The following DAB1 variants were observed in gnomAD, a reference collection of about 807,000 sequenced individuals.
DAB1 encodes DAB adaptor protein 1.
Under a neutral mutation model 64.6 loss-of-function variants are expected in DAB1, and 15 were observed. The ratio of observed to expected loss-of-function variants is 0.23; its 90% CI spans 0.16 to 0.36. DAB1 has a LOEUF of 0.36. DAB1 is among the 10% of genes least tolerant of loss of function. The pLI, the probability that DAB1 is intolerant of heterozygous loss-of-function variation, is 1.00. For synonymous variants in DAB1, 235 were observed against 251.9 expected, an observed-to-expected ratio of 0.93 and a Z score of 0.64; for missense variants, 596 against 706.7, an observed-to-expected ratio of 0.84 and a Z score of 1.78.
intron 2 of DAB1, among the ~76,000 whole-genome samples, chr1:58,510,267 A>G (rs1170726457): frequency 6.6e-6 from 1 of 152,168 alleles, no homozygotes; most frequent in Non-Finnish European, 1.5e-5. Flanking sequence ...GATCATATTA[A>G]AAGGATCACA....
rs140896168 is a variant in DAB1, at chr1:57,625,659, C to T, written n.625+23933G>A. Among the ~76,000 whole-genome samples the T allele has an allele frequency of 7.7e-3, 1,164 of 151,960 alleles. 18 individuals carry two copies. Among genetic ancestry groups the T allele is most frequent in the African/African-American group, 0.027 (1,120 of 41,408 alleles). ...GCAAAGGGATGGGCAGGGATAGACA[C>T]AAAGACATAGGCAATTATAGAGACT... On this transcript the variant is annotated intron_variant and non_coding_transcript_variant, in intron 7 of 20. Transcript: ENST00000485760.
At chr1:57,081,254 C>T (rs974534205) in intron 4 of DAB1, among the ~76,000 whole-genome samples, 1 of 152,128 alleles carries the variant, frequency 6.6e-6, no homozygotes, top group Admixed American at 6.5e-5. Context: ...ACATGTCTAG[C>T]AGAGCATCTG....
At chr1:57,339,907 A>C (rs1677430768) in intron 1 of DAB1, among the ~76,000 whole-genome samples, 1 of 152,186 alleles carries the variant, frequency 6.6e-6, no homozygotes, top group African/African-American at 2.4e-5. Context: ...CACTTAATTA[A>C]TTTTCAAGTC....
chr1:58,450,464 G>A (rs562540120), intron 3 of DAB1, among the ~76,000 whole-genome samples: 7 of 152,188 alleles, frequency 4.6e-5, no homozygotes, highest in East Asian at 3.9e-4. Flanking sequence ...AACAGAATAC[G>A]GAAAGGAAAA....
At chr1:58,382,316 T>C (rs1360017741) in intron 3 of DAB1, among the ~76,000 whole-genome samples, 2 of 152,164 alleles carry the variant, frequency 1.3e-5, no homozygotes, top group Admixed American at 1.3e-4. Context: ...TTCCTGAGTA[T>C]ACCTATTCAA....
intron 3 of DAB1, among the ~76,000 whole-genome samples, chr1:58,473,642 C>T (rs1422962876): frequency 6.6e-6 from 1 of 152,140 alleles, no homozygotes; most frequent in Non-Finnish European, 1.5e-5. Flanking sequence ...GTCAAGCAAG[C>T]TACTGCATGT....
chr1:58,534,156 A>G (rs1323377947), intron 1 of DAB1: 2 of 870,070 alleles, frequency 2.3e-6, no homozygotes, highest in African/African-American at 3.3e-5. Context: ...ACATTTACTT[A>G]CTGGAAGCAC....
chr1:58,365,948 C>G (rs1644212567), intron 3 of DAB1, among the ~76,000 whole-genome samples: 1 of 152,092 alleles, frequency 6.6e-6, no homozygotes. Flanking sequence ...CCAGATCACT[C>G]ACTGTCTAGC....
chr1:57,256,690 C>A (rs1280629251), intron 2 of DAB1, among the ~76,000 whole-genome samples: 1 of 152,196 alleles, frequency 6.6e-6, no homozygotes, highest in African/African-American at 2.4e-5. Context: ...AGACTCCAAG[C>A]CTTGAATAAT....
chr1:58,470,331 A>G (rs1303915903), intron 3 of DAB1, among the ~76,000 whole-genome samples: 3 of 151,678 alleles, frequency 2.0e-5, no homozygotes, highest in Non-Finnish European at 4.4e-5. Flanking sequence ...GCAGCACCGC[A>G]CCCAGCTAAT....
chr1:57,430,583 TA>T (rs1274305521), intron 7 of DAB1, among the ~76,000 whole-genome samples: 2 of 152,064 alleles, frequency 1.3e-5, no homozygotes, highest in African/African-American at 2.4e-5. Context: ...TTCACCGTGT[TA>T]GCCAGGATGG....
At chr1:58,203,617 G>C (rs1353404341) in intron 4 of DAB1, among the ~76,000 whole-genome samples, 4 of 152,184 alleles carry the variant, frequency 2.6e-5, no homozygotes, top group Admixed American at 2.0e-4. Context: ...CCCAGCTTCA[G>C]AGTTTCTGAT....
chr1:58,220,354 A>AGC (rs1417927458), intron 4 of DAB1, among the ~76,000 whole-genome samples: 3 of 152,202 alleles, frequency 2.0e-5, no homozygotes, highest in Non-Finnish European at 2.9e-5. Context: ...GTGTGAAGAA[A>AGC]GCGCCCCAGG....
chr1:57,253,342 T>C (rs1199351179), intron 2 of DAB1, among the ~76,000 whole-genome samples: 1 of 152,204 alleles, frequency 6.6e-6, no homozygotes, highest in Non-Finnish European at 1.5e-5. Flanking sequence ...CTAAGTCACG[T>C]GCTCCAGCCC....
intron 1 of DAB1, among the ~76,000 whole-genome samples, chr1:57,418,523 G>A (rs1570488494): frequency 1.3e-5 from 2 of 152,174 alleles, no homozygotes; most frequent in Admixed American, 1.3e-4. Context: ...ACTACAGGTG[G>A]TCAAGAGGGC....
intron 7 of DAB1, among the ~76,000 whole-genome samples, chr1:57,584,646 C>T (rs1377964610): frequency 1.3e-5 from 2 of 152,210 alleles, no homozygotes; most frequent in East Asian, 1.9e-4. Flanking sequence ...TTATTCCAGA[C>T]ATGTCTATAC....
intron 2 of DAB1, among the ~76,000 whole-genome samples, chr1:57,264,712 C>G (rs1670455957): frequency 6.6e-6 from 1 of 152,180 alleles, no homozygotes; most frequent in Non-Finnish European, 1.5e-5. Context: ...CTCCCAGGCT[C>G]TCACTCACCC....
chr1:58,066,320 A>G (rs1018245763), intron 5 of DAB1, among the ~76,000 whole-genome samples: 1 of 152,218 alleles, frequency 6.6e-6, no homozygotes, highest in South Asian at 2.1e-4. Context: ...GGGAGTATTT[A>G]TTCAGCATGG....
At chr1:57,810,318 AG>A (rs1309117169) in intron 6 of DAB1, among the ~76,000 whole-genome samples, 3 of 152,196 alleles carry the variant, frequency 2.0e-5, no homozygotes, top group Non-Finnish European at 4.4e-5. Context: ...AGGATGGCAC[AG>A]GGTGATGGAG....
Sources: allele counts gnomAD v4.1 joint callset (sites outside exome capture counted in the v4.1 genomes callset), GRCh38; gene constraint gnomAD v4.1.1; transcripts MANE v1.5; gene names NCBI Gene and HGNC (gene_info 2026-07-23, HGNC 2026-07-21).